The following GGT7 variants were observed in gnomAD, a reference collection of about 807,000 sequenced individuals.
GGT7 encodes the protein glutathione hydrolase 7.
In GGT7, 30 loss-of-function variants were observed where a neutral mutation model predicts 69.2. The observed-to-expected ratio is 0.43, with a 90% CI of 0.32 to 0.59. The LOEUF (loss-of-function observed/expected upper bound fraction) is 0.59. Among genes scored for constraint, GGT7 ranks in the 20% least tolerant of loss-of-function variants. The pLI is 0.05. For missense variants in GGT7, 733 were observed against 901.1 expected, an observed-to-expected ratio of 0.81 and a Z score of 2.39; for synonymous variants, 388 against 391.8, an observed-to-expected ratio of 0.99 and a Z score of 0.12.
chr20:34,859,776 G>T, intron 6 of GGT7, 137 bp from the exon 7 acceptor site: 1 of 839,756 alleles, frequency 1.2e-6, no homozygotes, highest in Non-Finnish European at 1.9e-6. Context: ...TAAGTGCGAG[G>T]CAGGGATGTC....
intron 3 of GGT7, 25 bp downstream of exon 3, chr20:34,862,789 G>T: frequency 6.2e-6 from 10 of 1,612,448 alleles, no homozygotes; most frequent in Non-Finnish European, 8.5e-6. Context: ...AGGCCTGGGG[G>T]ACCCCGACCT....
In GGT7 at chr20:34,863,379, G is replaced by A; in HGVS notation, c.339C>T (p.Ala113=). 6.2e-7 allele frequency: 1 copy of A among 1,614,072 alleles called. No individual in the cohort carries two copies. Among genetic ancestry groups the A allele is most frequent in the South Asian group, 1.1e-5 (1 of 91,086 alleles). Residue 113 remains alanine (A), a synonymous_variant, in exon 2 of 15, where the codon GCC becomes GCT. Coordinates refer to ENST00000336431, the MANE Select transcript of GGT7 (RefSeq NM_178026.3). The surrounding 1 kb of genome is among the most constrained non-coding windows in gnomAD (Gnocchi z 4.4). Reference sequence around the variant, plus strand: ...TGACACCGGTAGCGAAGGTGAGACAGGCCGTGACGATGACCGTGAGCCCAT... The same window carrying A: ...TGACACCGGTAGCGAAGGTGAGACAAGCCGTGACGATGACCGTGAGCCCAT... ...RQDGLTVIVT[A]CLTFATGVTV... is the part of the protein sequence containing the mutation.
At chr20:34,870,767 G>A (rs1233014216) in intron 1 of GGT7, among the ~76,000 whole-genome samples, 3 of 150,380 alleles carry the variant, frequency 2.0e-5, no homozygotes, top group South Asian at 4.2e-4. Flanking sequence ...CCACCACACC[G>A]GCCAGTGTAT....
intron 1 of GGT7, 163 bp downstream of exon 1, chr20:34,872,484 C>G (rs1226044052): frequency 7.7e-6 from 4 of 517,874 alleles, no homozygotes; most frequent in Non-Finnish European, 9.4e-6. Flanking sequence ...AAATGCACCC[C>G]CTTCCTCACC....
intron 7 of GGT7, among the ~76,000 whole-genome samples, chr20:34,858,569 A>G (rs571533592): frequency 6.6e-6 from 1 of 152,330 alleles, no homozygotes; most frequent in Non-Finnish European, 1.5e-5. Context: ...ATGCATCCTT[A>G]CCATGAACTT....
chr20:34,862,984 C>T lies in GGT7; in HGVS notation c.406-19G>A, dbSNP rs1247958586. ...GGAAGATCTGGGAGGGGAAAGAGGA[C>T]TTGGTGGGGGCAGGAGGAGCTGTCC... On this transcript the variant is annotated intron_variant, in intron 2 of 14. Coordinates refer to ENST00000336431, the MANE Select transcript of GGT7 (RefSeq NM_178026.3). 6.2e-7 allele frequency: 1 copy of T among 1,605,958 alleles called. No homozygotes were observed. Among genetic ancestry groups the T allele is most frequent in the South Asian group, 1.1e-5 (1 of 89,828 alleles).
chr20:34,862,492 C>T (rs974746792), intron 3 of GGT7, among the ~76,000 whole-genome samples: 2 of 151,466 alleles, frequency 1.3e-5, no homozygotes, highest in African/African-American at 2.4e-5. Context: ...GATTTATGAT[C>T]CTAGAAGTTG....
chr20:34,861,678 G>A (rs2079598981), intron 3 of GGT7, 116 bp from the exon 4 acceptor site: 1 of 593,364 alleles, frequency 1.7e-6, no homozygotes, highest in East Asian at 3.1e-5. Flanking sequence ...TTCATTTGGG[G>A]TCAGGTGTCT....
chr20:34,855,563 G>A (rs1227576097), intron 8 of GGT7, among the ~76,000 whole-genome samples: 1 of 152,108 alleles, frequency 6.6e-6, no homozygotes, highest in Non-Finnish European at 1.5e-5. Flanking sequence ...CTGGGAAGGG[G>A]AAATGGAAAA....
intron 4 of GGT7, 104 bp from the exon 5 acceptor site, chr20:34,860,425 G>A: frequency 2.3e-6 from 2 of 875,954 alleles, no homozygotes; most frequent in South Asian, 1.3e-5. Context: ...CTGGCACAGG[G>A]GAGAGACACA....
intron 14 of GGT7, among the ~76,000 whole-genome samples, chr20:34,848,042 G>A (rs1467645208): frequency 1.3e-5 from 2 of 152,196 alleles, no homozygotes; most frequent in East Asian, 3.8e-4. Context: ...GAAGTGAGCT[G>A]AGATCGCACC....
intron 1 of GGT7, among the ~76,000 whole-genome samples, chr20:34,864,480 G>T (rs953715695): frequency 6.6e-6 from 1 of 152,060 alleles, no homozygotes; most frequent in African/African-American, 2.4e-5. Context: ...CAGCACTCTG[G>T]GGGGCCGAGG....
chr20:34,852,460 T>A lies in GGT7; in HGVS notation c.1398A>T (p.Glu466Asp), dbSNP rs759597912. The stretch of plus-strand genomic sequence containing the variant: ...GGGCAGCCGTGGGAGCTCCGTCTAG[T>A]TCATAGACAGGCAGGAGTGGGGCAG... ...AAPAPLLPVY[E>D]LDGAPTAAQV... Residue 466 changes from glutamate to aspartate, a missense_variant, in exon 11 of 15, where the codon GAA (glutamate) becomes GAT (aspartate). Coordinates refer to ENST00000336431, the MANE Select transcript of GGT7 (RefSeq NM_178026.3). 6.2e-7 allele frequency: 1 copy of A among 1,613,090 alleles called. No individual in the cohort carries two copies. Among genetic ancestry groups the A allele is most frequent in the South Asian group, 1.1e-5 (1 of 90,950 alleles).
rs916894438 is a variant in GGT7, at chr20:34,854,902, G to T, written c.1124C>A (p.Pro375Gln). The T allele has an allele frequency of 1.2e-6, 2 of 1,613,764 alleles. No homozygotes were observed. Among genetic ancestry groups the T allele is most frequent in the Admixed American group, 1.7e-5 (1 of 60,014 alleles). ...GAGGGCAGGGCCCGTGTGCGGAGGT[G>T]GGGGACTAAGAACCAGGTGGCCTGA... ...VYRGHLVLSP[P>Q]PPHTGPALIS... The change falls in exon 9 of 15, where the codon CCA becomes CAA. Residue 375 changes from proline (P) to glutamine (Q), a missense_variant. By Grantham distance (76) the Pro-to-Gln change is moderately conservative. Coordinates refer to ENST00000336431, the MANE Select transcript of GGT7 (RefSeq NM_178026.3).
In GGT7 at chr20:34,852,538, G is replaced by C; in HGVS notation, c.1320C>G (p.Ser440Arg). The C allele has an allele frequency of 6.3e-7, 1 of 1,574,938 alleles. No individual in the cohort carries two copies. Among genetic ancestry groups the C allele is most frequent in the Non-Finnish European group, 8.6e-7 (1 of 1,161,648 alleles). The change falls in exon 11 of 15, where the codon AGC (serine) becomes AGG (arginine). Residue 440 changes from serine (S) to arginine (R), a missense_variant and splice_region_variant. Physicochemically the swap from Ser to Arg is moderately radical, Grantham distance 110 (BLOSUM62 -1). Coordinates refer to ENST00000336431, the MANE Select transcript of GGT7 (RefSeq NM_178026.3). Reference protein sequence around the residue: ...TITESMDDMLSKVEAAYLRGH... With the variant: ...TITESMDDMLRKVEAAYLRGH... ...CCCGGAGGTAGGCGGCCTCCACCTT[G>C]CTGAAAAGACAAGGGGTGGGAGATG...
rs1601242219 is a variant in GGT7 at position 34,863,623 on chromosome 20, G to A, written c.170-75C>T. On this transcript the variant is annotated intron_variant, in intron 1 of 14. Coordinates refer to ENST00000336431, the MANE Select transcript of GGT7 (RefSeq NM_178026.3). The surrounding 1 kb of genome is among the most constrained non-coding windows in gnomAD (Gnocchi z 4.4). ...CCCACCCTCCAGGTGGGACTATTCA[G>A]CGCTTTCCCTGCCCCGCCCCTGCCA... 36 of 983,688 alleles carry A rather than the reference G, an allele frequency of 3.7e-5. No homozygotes were observed. The East Asian group carries it at 8.8e-4, about 24-fold the overall frequency. The allele number at this position is 983,688 out of a possible 1,614,324, so 60.9% of individuals were successfully genotyped here. A position where few individuals can be genotyped will look rare whatever the true frequency, so the allele number is the denominator to read the frequency against.
intron 6 of GGT7, 127 bp downstream of exon 6, chr20:34,859,842 A>T: frequency 1.2e-6 from 1 of 806,110 alleles, no homozygotes; most frequent in Non-Finnish European, 2.1e-6. Context: ...AGGGTGGGAT[A>T]AGGTGGGGAG....
intron 1 of GGT7, among the ~76,000 whole-genome samples, chr20:34,868,438 G>A (rs2079728359): frequency 6.6e-6 from 1 of 152,232 alleles, no homozygotes; most frequent in Admixed American, 6.5e-5. Flanking sequence ...TCTTTTGGGA[G>A]AAAGATGACA....
At chr20:34,855,557 G>C (rs950016498) in intron 8 of GGT7, among the ~76,000 whole-genome samples, 1 of 152,132 alleles carries the variant, frequency 6.6e-6, no homozygotes, top group African/African-American at 2.4e-5. Flanking sequence ...CCCAGGCTGG[G>C]AAGGGGAAAT....
Sources: allele counts gnomAD v4.1 joint callset (sites outside exome capture counted in the v4.1 genomes callset), GRCh38; gene constraint gnomAD v4.1.1; non-coding constraint Gnocchi (gnomAD v3.1); transcripts MANE v1.5; gene names NCBI Gene and HGNC (gene_info 2026-07-23, HGNC 2026-07-21).